The following KDM4B variants were observed in gnomAD, a reference collection of about 807,000 sequenced individuals.
KDM4B encodes the protein lysine-specific demethylase 4B.
KDM4B carries 32 observed loss-of-function variants against 125.2 expected under a neutral mutation model. That is an observed-to-expected ratio of 0.26 (90% CI 0.19 to 0.34). The LOEUF (loss-of-function observed/expected upper bound fraction) is 0.34, where lower values mean the gene tolerates loss of function less well. Among genes scored for constraint, KDM4B ranks in the 10% least tolerant of loss-of-function variants. The probability of loss-of-function intolerance (pLI) is 1.00; values close to 1 mark genes in which losing one functional copy is unlikely to be tolerated. For synonymous variants in KDM4B, 721 were observed against 677.9 expected (o/e 1.06, Z -0.99); for missense variants, 1,190 against 1,577.7 (o/e 0.75, Z 4.16).
chr19:5,068,557 T>C (rs561046136), intron 6 of KDM4B, among the ~76,000 whole-genome samples: 77 of 152,330 alleles, frequency 5.1e-4, no homozygotes, highest in Middle Eastern at 3.4e-3. Flanking sequence ...TCTTGGAAAC[T>C]GAGGTTTTTC....
intron 13 of KDM4B, 86 bp from the exon 14 acceptor site, chr19:5,133,797 C>A: frequency 7.1e-7 from 1 of 1,416,284 alleles, no homozygotes; most frequent in Non-Finnish European, 9.8e-7. Context: ...AGACCCGGGG[C>A]CATCCCCTGG....
intron 5 of KDM4B, chr19:5,047,002 A>G (rs1383797055): frequency 6.5e-6 from 1 of 154,258 alleles, no homozygotes; most frequent in African/African-American, 2.4e-5. Context: ...CCCTTCAGAA[A>G]AGGTGTCTGG....
intron 1 of KDM4B, among the ~76,000 whole-genome samples, chr19:4,983,499 G>A (rs1418139214): frequency 6.6e-6 from 1 of 152,198 alleles, no homozygotes; most frequent in Non-Finnish European, 1.5e-5. Flanking sequence ...GTGGGCTCTC[G>A]CCCACAGTCT....
chr19:5,150,179 T>C (rs2039921152), intron 21 of KDM4B, among the ~76,000 whole-genome samples, 179 bp from the exon 22 acceptor site: 2 of 152,186 alleles, frequency 1.3e-5, no homozygotes, highest in Admixed American at 6.5e-5. Flanking sequence ...CTCAGCCTGA[T>C]CCTTGTTTGC....
chr19:5,133,793 G>A (rs2039599959), intron 13 of KDM4B, 90 bp from the exon 14 acceptor site: 16 of 1,387,416 alleles, frequency 1.2e-5, no homozygotes, highest in Non-Finnish European at 1.5e-5. Context: ...CTGTAGACCC[G>A]GGGCCATCCC....
chr19:5,014,317 C>T (rs1289014778), intron 1 of KDM4B, among the ~76,000 whole-genome samples: 1 of 152,182 alleles, frequency 6.6e-6, no homozygotes, highest in Non-Finnish European at 1.5e-5. Context: ...GGCTCTGTTG[C>T]CCAGGCTGGG....
At position 5,142,388 on chromosome 19, in the gene KDM4B, T is replaced by C. The variant is rs139043875; in HGVS notation, c.2551-1579T>C. Among the ~76,000 whole-genome samples, 1 of 152,214 alleles carries C rather than the reference T, an allele frequency of 6.6e-6. No individual in the cohort carries two copies. The highest frequency in any genetic ancestry group is 2.4e-5 in the African/African-American group (1 of 41,550). On this transcript the variant is annotated intron_variant, in intron 18 of 22. Transcript: ENST00000159111. The surrounding 1 kb of genome is among the most constrained non-coding windows in gnomAD (Gnocchi z 5.4). ...GTGGCGTGACTGGACCTCGCCTTAG[T>C]AGGGGTGGCTCTGGGCAACCTCGGC...
chr19:5,095,809 C>T (rs1429902441), intron 9 of KDM4B, among the ~76,000 whole-genome samples: 1 of 152,240 alleles, frequency 6.6e-6, no homozygotes, highest in Admixed American at 6.5e-5. Context: ...GGACCCTCCC[C>T]CAGCAGCTGC....
intron 15 of KDM4B, 80 bp downstream of exon 15, chr19:5,135,641 C>T (rs1453842440): frequency 7.9e-7 from 1 of 1,266,592 alleles, no homozygotes; most frequent in African/African-American, 1.5e-5. Context: ...GCTCCATCCT[C>T]CCCTGCGGAG....
intron 9 of KDM4B, among the ~76,000 whole-genome samples, chr19:5,094,247 C>G (rs1568294516): frequency 6.6e-6 from 1 of 152,262 alleles, no homozygotes; most frequent in African/African-American, 2.4e-5. Flanking sequence ...GCTGCTACCA[C>G]CCTGCTTCAG....
At chr19:5,144,974 C>T in intron 21 of KDM4B, 72 bp downstream of exon 21, 1 of 1,594,430 alleles carries the variant, frequency 6.3e-7, no homozygotes, top group Non-Finnish European at 8.6e-7. Context: ...ACAGGAGGAT[C>T]ACACCCCTGG....
At chr19:5,070,334 C>A (rs987201775) in intron 6 of KDM4B, among the ~76,000 whole-genome samples, 1 of 152,246 alleles carries the variant, frequency 6.6e-6, no homozygotes, top group African/African-American at 2.4e-5. Flanking sequence ...CCCAACATCG[C>A]AGGTCTCCAG....
At chr19:5,060,645 G>A (rs1210714588) in intron 6 of KDM4B, among the ~76,000 whole-genome samples, 4 of 152,066 alleles carry the variant, frequency 2.6e-5, no homozygotes, top group African/African-American at 9.7e-5. Context: ...GCATGGTGGG[G>A]GCTGCCTCCT....
At chr19:5,063,003 C>T (rs2037655922) in intron 6 of KDM4B, among the ~76,000 whole-genome samples, 1 of 151,424 alleles carries the variant, frequency 6.6e-6, no homozygotes, top group South Asian at 2.1e-4. Context: ...TTGGTAAACC[C>T]TTTGTCTTTT....
intron 6 of KDM4B, among the ~76,000 whole-genome samples, chr19:5,055,974 T>C (rs2037382509): frequency 6.6e-6 from 1 of 152,186 alleles, no homozygotes; most frequent in African/African-American, 2.4e-5. Context: ...AGATTTCCTC[T>C]GTCTTCCCCC....
chr19:5,053,074 T>C (rs1171082783), intron 6 of KDM4B, among the ~76,000 whole-genome samples: 6 of 152,216 alleles, frequency 3.9e-5, no homozygotes, highest in Non-Finnish European at 7.3e-5. Context: ...AGCTGAGCAC[T>C]GGGTTGAAAT....
intron 7 of KDM4B, chr19:5,075,471 T>A (rs80006600): frequency 1.3e-5 from 2 of 152,342 alleles, no homozygotes. Flanking sequence ...GTTTATTTTT[T>A]ATTTTTATTT....
intron 1 of KDM4B, among the ~76,000 whole-genome samples, chr19:5,010,867 C>T (rs1449202660): frequency 6.6e-6 from 1 of 152,122 alleles, no homozygotes; most frequent in Non-Finnish European, 1.5e-5. Context: ...AGGCTGGTCT[C>T]GAACTCCTGA....
chr19:5,064,393 A>G lies in KDM4B; in HGVS notation c.627-6617A>G, dbSNP rs145434256. On this transcript the variant is annotated intron_variant, in intron 6 of 22. Coordinates refer to ENST00000159111, the MANE Select transcript of KDM4B (RefSeq NM_015015.3). ...TTAACTTTCTCACCCTCCAGCACGC[A>G]TTGGGCTGTGCCGACATCTCTGAAG... Among the ~76,000 whole-genome samples, 478 of 133,404 alleles carry G rather than the reference A, an allele frequency of 3.6e-3. 3 individuals carry two copies. The highest frequency in any genetic ancestry group is 0.013 in the African/African-American group (454 of 35,802). 87.5% of individuals were successfully genotyped at this position (133,404 alleles called of 152,430 possible).
Sources: allele counts gnomAD v4.1 joint callset (sites outside exome capture counted in the v4.1 genomes callset), GRCh38; gene constraint gnomAD v4.1.1; non-coding constraint Gnocchi (gnomAD v3.1); transcripts MANE v1.5; gene names NCBI Gene and HGNC (gene_info 2026-07-23, HGNC 2026-07-21).